The following AKAP10 variants were observed in gnomAD, a reference collection of about 807,000 sequenced individuals.
The protein encoded by AKAP10 is A-kinase anchoring protein 10.
AKAP10 carries 24 observed loss-of-function variants against 80.8 expected under a neutral mutation model. The observed-to-expected ratio is 0.30, with a 90% CI of 0.22 to 0.42. AKAP10 has a LOEUF of 0.42. AKAP10 is among the 10% of genes least tolerant of loss of function. The pLI is 1.00. For synonymous variants in AKAP10, 291 were observed against 277.7 expected (o/e 1.05, Z -0.48); for missense variants, 661 against 794.9 (o/e 0.83, Z 2.03).
intron 12 of AKAP10, among the ~76,000 whole-genome samples, chr17:19,918,126 A>G (rs944380017): frequency 6.6e-6 from 1 of 151,204 alleles, no homozygotes; most frequent in African/African-American, 2.4e-5. Flanking sequence ...AGACTGAGGC[A>G]GGAGAATTGC....
Position 19,905,852 on chromosome 17 carries a change from C to T in AKAP10, c.*375G>A, listed in dbSNP as rs966453095. 5.3e-6 allele frequency: 1 copy of T among 188,080 alleles called. No homozygotes were observed. Among genetic ancestry groups the T allele is most frequent in the African/African-American group, 2.3e-5 (1 of 42,982 alleles). 11.7% of individuals were successfully genotyped at this position (188,080 alleles called of 1,614,324 possible). On this transcript the variant is annotated 3_prime_UTR_variant, in exon 15 of 15. Coordinates refer to ENST00000225737, the MANE Select transcript of AKAP10 (RefSeq NM_007202.4). ...AATGCTGATTAGGGATGAGTTACCA[C>T]TACGAGTGTGCATCAAGTATCAGTT...
At chr17:19,967,079 AC>A (rs2043429472) in intron 2 of AKAP10, among the ~76,000 whole-genome samples, 1 of 152,190 alleles carries the variant, frequency 6.6e-6, no homozygotes, top group Admixed American at 6.5e-5. Context: ...TGCAAGCAAT[AC>A]AACATAAAAA....
chr17:19,976,522 T>C (rs2043568980), intron 1 of AKAP10, among the ~76,000 whole-genome samples: 1 of 151,836 alleles, frequency 6.6e-6, no homozygotes. Flanking sequence ...CATTTCTGTC[T>C]GGTACTTTTT....
chr17:19,920,444 G>A (rs754089053), intron 11 of AKAP10, among the ~76,000 whole-genome samples: 1 of 152,130 alleles, frequency 6.6e-6, no homozygotes, highest in Non-Finnish European at 1.5e-5. Context: ...GCACCCAAAA[G>A]GTAGGCCTTG....
chr17:19,972,977 C>T (rs2043518414), intron 1 of AKAP10, among the ~76,000 whole-genome samples: 1 of 151,918 alleles, frequency 6.6e-6, no homozygotes, highest in South Asian at 2.1e-4. Flanking sequence ...GGGCCAAATA[C>T]AACCCACTAC....
intron 4 of AKAP10, among the ~76,000 whole-genome samples, chr17:19,957,065 G>A (rs2043285714): frequency 6.6e-6 from 1 of 151,792 alleles, no homozygotes. Context: ...CATTTAAGAT[G>A]AAAAAGAACA....
chr17:19,946,588 T>C (rs1342366263), intron 5 of AKAP10, among the ~76,000 whole-genome samples: 1 of 151,306 alleles, frequency 6.6e-6, no homozygotes, highest in Non-Finnish European at 1.5e-5. Context: ...ATGTGTACTA[T>C]TTATTGATCT....
Position 19,947,489 on chromosome 17 carries a change from T to A in AKAP10, c.894A>T (p.Ala298=). 6.2e-7 allele frequency: 1 copy of A among 1,611,858 alleles called. No individual in the cohort carries two copies. Among genetic ancestry groups the A allele is most frequent in the Non-Finnish European group, 8.5e-7 (1 of 1,178,150 alleles). Residue 298 remains alanine, a synonymous_variant, in exon 5 of 15, where the codon GCA becomes GCT. Coordinates refer to ENST00000225737, the MANE Select transcript of AKAP10 (RefSeq NM_007202.4). The part of the protein sequence containing the change: ...GKLMKSIEQD[A]VNTFTKYISP... The stretch of plus-strand genomic sequence containing the variant: ...ATATATATTTGGTAAAAGTATTCAC[T>A]GCATCTTGTTCTATACCTGCAAGGG...
intron 12 of AKAP10, among the ~76,000 whole-genome samples, chr17:19,915,124 A>G (rs1406730188): frequency 1.3e-5 from 2 of 152,208 alleles, no homozygotes; most frequent in Non-Finnish European, 2.9e-5. Flanking sequence ...TCACTGTTAA[A>G]TTTTATGTGT....
Position 19,923,384 on chromosome 17 carries a change from G to A in AKAP10, c.1751+1024C>T, listed in dbSNP as rs967558253. Among the ~76,000 whole-genome samples, 5 of 150,572 alleles carry A rather than the reference G, an allele frequency of 3.3e-5. No individual in the cohort carries two copies. The East Asian group carries it at 6.1e-4, about 18-fold the overall frequency. ...TGAGCCACCGTGCCCGGCCTTGTCC[G>A]TTATTTTCTAAAAGAAGAACTAAAA... On this transcript the variant is annotated intron_variant, in intron 11 of 14. Transcript: ENST00000225737.
chr17:19,928,652 G>A (rs2042899889), intron 10 of AKAP10, among the ~76,000 whole-genome samples: 1 of 152,156 alleles, frequency 6.6e-6, no homozygotes, highest in Non-Finnish European at 1.5e-5. Flanking sequence ...CGAGATGGGT[G>A]GATCACTTGA....
chr17:19,974,527 T>C (rs1232625133), intron 1 of AKAP10, among the ~76,000 whole-genome samples: 1 of 152,106 alleles, frequency 6.6e-6, no homozygotes, highest in Non-Finnish European at 1.5e-5. Context: ...CAGGTAGAGA[T>C]ACAAACTGAA....
At chr17:19,923,113 T>G (rs1457442620) in intron 11 of AKAP10, among the ~76,000 whole-genome samples, 4 of 152,202 alleles carry the variant, frequency 2.6e-5, no homozygotes, top group African/African-American at 9.6e-5. Context: ...AGTCTTACTC[T>G]GTCGCGCAGG....
At chr17:19,961,724 A>C (rs1009229084) in intron 3 of AKAP10, among the ~76,000 whole-genome samples, 3 of 152,218 alleles carry the variant, frequency 2.0e-5, no homozygotes, top group African/African-American at 7.2e-5. Context: ...GGAAGAACTT[A>C]TTTTAATATA....
intron 14 of AKAP10, among the ~76,000 whole-genome samples, chr17:19,908,283 T>G (rs79386308): frequency 1.3e-5 from 2 of 152,202 alleles, no homozygotes; most frequent in African/African-American, 4.8e-5. Context: ...CTTTAAAAAT[T>G]TGCTTTGAAA....
Position 19,958,185 on chromosome 17 carries a change from A to T in AKAP10, c.706T>A (p.Leu236Met). ...NNRTNSTQNHLLLSQECDSAH... is the reference protein window; with the variant it reads ...NNRTNSTQNHMLLSQECDSAH... ...CTGTCACATTCCTGGGAAAGCAGCA[A>T]GTGATTCTGAGTGCTGTTAGTTCTA... The change falls in exon 4 of 15, where the codon TTG (leucine) becomes ATG (methionine). Residue 236 changes from leucine (L) to methionine (M), a missense_variant. Physicochemically the swap from Leu to Met is conservative, Grantham distance 15 (BLOSUM62 2). Coordinates refer to ENST00000225737, the MANE Select transcript of AKAP10 (RefSeq NM_007202.4). 9 of 1,614,198 alleles carry T rather than the reference A, an allele frequency of 5.6e-6. No homozygotes were observed. Among genetic ancestry groups the T allele is most frequent in the Non-Finnish European group, 7.6e-6 (9 of 1,180,038 alleles).
intron 12 of AKAP10, among the ~76,000 whole-genome samples, chr17:19,916,972 C>T (rs115350847): frequency 0.019 from 1,855 of 98,616 alleles, 37 homozygotes; most frequent in African/African-American, 0.066. Context: ...ATAACAACAA[C>T]AAAAAAACCA....
intron 8 of AKAP10, among the ~76,000 whole-genome samples, chr17:19,937,975 CTTTT>C (rs547191721): frequency 5.4e-5 from 7 of 129,194 alleles, no homozygotes; most frequent in Non-Finnish European, 8.3e-5. Flanking sequence ...GACTGGAAAC[CTTTT>C]TTTTTTTTTT....
chr17:19,934,374 G>A (rs1349134787), intron 9 of AKAP10, among the ~76,000 whole-genome samples: 1 of 151,814 alleles, frequency 6.6e-6, no homozygotes, highest in Non-Finnish European at 1.5e-5. Context: ...TCAAGACAGG[G>A]TCTTGCTCTG....
Sources: allele counts gnomAD v4.1 joint callset (sites outside exome capture counted in the v4.1 genomes callset), GRCh38; gene constraint gnomAD v4.1.1; transcripts MANE v1.5; gene names NCBI Gene and HGNC (gene_info 2026-07-23, HGNC 2026-07-21).